Variants in DGKB observed in about 807,000 individuals in gnomAD.
DGKB encodes diacylglycerol kinase beta.
DGKB carries 67 observed loss-of-function variants against 114.3 expected under a neutral mutation model. That is an observed-to-expected ratio of 0.59 (90% CI 0.48 to 0.72). DGKB has a LOEUF of 0.72. Ranked by LOEUF, DGKB falls within the 30% of genes least tolerant of loss-of-function variation. The pLI, the probability that DGKB is intolerant of heterozygous loss-of-function variation, is 0.00. For synonymous variants in DGKB, 398 were observed against 323.1 expected, an observed-to-expected ratio of 1.23 and a Z score of -2.49; for missense variants, 907 against 975.2, an observed-to-expected ratio of 0.93 and a Z score of 0.93.
At chr7:14,751,246 C>A (rs1834081125) in intron 4 of DGKB, among the ~76,000 whole-genome samples, 1 of 152,088 alleles carries the variant, frequency 6.6e-6, no homozygotes, top group African/African-American at 2.4e-5. Flanking sequence ...CACCTAAAAA[C>A]CCCAGCATTA....
intron 1 of DGKB, among the ~76,000 whole-genome samples, chr7:14,889,355 G>C (rs560801965): frequency 6.6e-6 from 1 of 151,674 alleles, no homozygotes; most frequent in Non-Finnish European, 1.5e-5. Context: ...ATCTGAATGG[G>C]AGGTTGTGTC....
intron 20 of DGKB, among the ~76,000 whole-genome samples, chr7:14,541,815 G>A (rs1451801778): frequency 1.3e-5 from 2 of 152,144 alleles, no homozygotes; most frequent in Non-Finnish European, 2.9e-5. Context: ...AGACAATGTT[G>A]TAATGTAATA....
chr7:14,713,163 A>T (rs1425902358), intron 6 of DGKB, among the ~76,000 whole-genome samples: 1 of 152,102 alleles, frequency 6.6e-6, no homozygotes, highest in East Asian at 1.9e-4. Context: ...TATGCAAGAT[A>T]ATTTTTTATA....
At chr7:14,162,032 G>A (rs1410836640) in intron 25 of DGKB, among the ~76,000 whole-genome samples, 1 of 152,144 alleles carries the variant, frequency 6.6e-6, no homozygotes, top group Non-Finnish European at 1.5e-5. Flanking sequence ...TTAGTGATAA[G>A]CAGGCTCACT....
At chr7:14,286,523 T>G (rs1261622928) in intron 23 of DGKB, among the ~76,000 whole-genome samples, 2 of 152,184 alleles carry the variant, frequency 1.3e-5, no homozygotes, top group East Asian at 3.9e-4. Context: ...GGGAAATATG[T>G]CTGAATTAGG....
chr7:14,625,778 C>T (rs1015251957), intron 14 of DGKB, among the ~76,000 whole-genome samples: 1 of 151,512 alleles, frequency 6.6e-6, no homozygotes, highest in South Asian at 2.1e-4. Context: ...AAGAGCTACT[C>T]TAACTAAAAA....
intron 1 of DGKB, among the ~76,000 whole-genome samples, chr7:14,869,037 CCTT>C (rs1487031067): frequency 6.6e-6 from 1 of 152,106 alleles, no homozygotes; most frequent in East Asian, 1.9e-4. Flanking sequence ...TAAGGACAGT[CCTT>C]CTAGGTGTTT....
rs73280346 is a variant in DGKB, at chr7:14,446,021, C to G, written c.1835+32140G>C. On this transcript the variant is annotated intron_variant, in intron 21 of 25. Transcript: ENST00000402815. Reference sequence around the variant, plus strand: ...ACTATAATTTATAACATAAGGAAAACCCGTGCTTTCTTGACTTAATTGAAT... The same window carrying G: ...ACTATAATTTATAACATAAGGAAAAGCCGTGCTTTCTTGACTTAATTGAAT... Among the ~76,000 whole-genome samples the G allele has an allele frequency of 9.2e-3, 1,404 of 152,098 alleles. 24 individuals carry two copies. The highest frequency in any genetic ancestry group is 0.032 in the African/African-American group (1,345 of 41,520).
chr7:14,516,193 C>T (rs1354309533), intron 20 of DGKB, among the ~76,000 whole-genome samples: 1 of 152,130 alleles, frequency 6.6e-6, no homozygotes, highest in East Asian at 1.9e-4. Context: ...GTAAACTAAA[C>T]AATGTATTAC....
intron 20 of DGKB, among the ~76,000 whole-genome samples, chr7:14,510,042 G>A (rs561723334): frequency 6.2e-4 from 95 of 152,222 alleles, no homozygotes; most frequent in Non-Finnish European, 7.2e-4. Context: ...CCGGCGTGGC[G>A]GCGGGCGCCT....
At chr7:14,649,476 A>C (rs1813929964) in intron 13 of DGKB, among the ~76,000 whole-genome samples, 1 of 151,784 alleles carries the variant, frequency 6.6e-6, no homozygotes, top group African/African-American at 2.4e-5. Flanking sequence ...GGCCTGCCTT[A>C]CAAGAGCTCC....
intron 2 of DGKB, among the ~76,000 whole-genome samples, chr7:14,801,114 T>G (rs1350026071): frequency 6.6e-6 from 1 of 152,184 alleles, no homozygotes; most frequent in African/African-American, 2.4e-5. Flanking sequence ...TCCTTCCCTT[T>G]TTTATTCCCT....
chr7:14,558,484 G>A (rs182671559), intron 20 of DGKB, among the ~76,000 whole-genome samples: 44 of 151,584 alleles, frequency 2.9e-4, no homozygotes, highest in East Asian at 2.1e-3. Context: ...AACTTTTTGC[G>A]TACTTGTAAT....
At chr7:14,422,175 C>A (rs762726929) in intron 21 of DGKB, among the ~76,000 whole-genome samples, 14 of 151,998 alleles carry the variant, frequency 9.2e-5, no homozygotes, top group Non-Finnish European at 2.1e-4. Context: ...TAAATTTAGT[C>A]TCCTTTCAAT....
At chr7:14,169,044 T>C (rs986809137) in intron 25 of DGKB, among the ~76,000 whole-genome samples, 4 of 152,002 alleles carry the variant, frequency 2.6e-5, no homozygotes, top group African/African-American at 7.2e-5. Context: ...TAATAAACCA[T>C]AGGTAAGACT....
intron 2 of DGKB, among the ~76,000 whole-genome samples, chr7:14,788,101 G>A (rs975924207): frequency 6.6e-6 from 1 of 152,344 alleles, no homozygotes; most frequent in South Asian, 2.1e-4. Flanking sequence ...TTGGGAAAGG[G>A]TATCCTCTGG....
At chr7:14,600,069 C>A (rs1003901025) in intron 17 of DGKB, among the ~76,000 whole-genome samples, 47 of 152,080 alleles carry the variant, frequency 3.1e-4, no homozygotes, top group Admixed American at 2.9e-3. Context: ...CTGGGAAGTC[C>A]AAGGTCAAGA....
chr7:14,694,061 G>T lies in DGKB; in HGVS notation c.711+14C>A. ...ACTCACCACCAGGCCACCCTCCTCT[G>T]TGGAAATGCTTACATTTTCTAAGCC... On this transcript the variant is annotated intron_variant, in intron 9 of 25. Transcript: ENST00000402815. 6.4e-7 allele frequency: 1 copy of T among 1,569,992 alleles called. No homozygotes were observed.
rs1185816434 is a variant in DGKB at position 14,648,155 on chromosome 7, GGCCT to G, written c.1135-17891_1135-17888del. On this transcript the variant is annotated intron_variant, in intron 13 of 25. Coordinates refer to ENST00000402815, the MANE Select transcript of DGKB (RefSeq NM_001350709.2). ...GGTGGAGCCCACCACAGCTCAAGGA[GGCCT>G]GCCTGCCTCTGTAGGCTCCACCTCT... Among the ~76,000 whole-genome samples, 4 of 152,232 alleles carry G rather than the reference GGCCT, an allele frequency of 2.6e-5. No homozygotes were observed. The East Asian group carries it at 7.7e-4, about 29-fold the overall frequency.
Sources: allele counts gnomAD v4.1 joint callset (sites outside exome capture counted in the v4.1 genomes callset), GRCh38; gene constraint gnomAD v4.1.1; transcripts MANE v1.5; gene names NCBI Gene and HGNC (gene_info 2026-07-23, HGNC 2026-07-21).